Variants in LRRC28 observed in about 807,000 individuals in gnomAD.
The protein encoded by LRRC28 is leucine rich repeat containing 28.
A neutral mutation model predicts 45.7 loss-of-function variants in LRRC28; 39 were observed. That is an observed-to-expected ratio of 0.85 (90% CI 0.66 to 1.12). The LOEUF is 1.12. Among genes scored for constraint, LRRC28 ranks in the 50% most tolerant of loss-of-function variants. The probability of loss-of-function intolerance (pLI) is 0.00; values close to 1 mark genes in which losing one functional copy is unlikely to be tolerated. For missense variants in LRRC28, 435 were observed against 438.5 expected (o/e 0.99, Z 0.07); for synonymous variants, 206 against 178.8 (o/e 1.15, Z -1.22).
At chr15:99,361,232 A>C (rs1456877090) in intron 7 of LRRC28, 104 bp from the exon 8 acceptor site, 16 of 1,319,372 alleles carry the variant, frequency 1.2e-5, no homozygotes, top group Non-Finnish European at 1.6e-5. Context: ...GCAATTCAGC[A>C]GTGTCATAAA....
chr15:99,310,064 A>G (rs183194574), intron 5 of LRRC28, among the ~76,000 whole-genome samples: 89 of 152,232 alleles, frequency 5.8e-4, no homozygotes, highest in Non-Finnish European at 1.1e-3. Context: ...TCAAAAGTGA[A>G]CTGTTAAGCA....
intron 3 of LRRC28, among the ~76,000 whole-genome samples, chr15:99,279,039 A>T (rs2081703057): frequency 6.6e-6 from 1 of 152,246 alleles, no homozygotes; most frequent in Admixed American, 6.5e-5. Flanking sequence ...CAAGCAAGCC[A>T]AAGAGCAAGA....
intron 2 of LRRC28, among the ~76,000 whole-genome samples, chr15:99,272,785 C>T (rs948379914): frequency 1.3e-5 from 2 of 152,096 alleles, no homozygotes; most frequent in Non-Finnish European, 2.9e-5. Flanking sequence ...TATCTGAGTA[C>T]ATGTTATGTT....
intron 5 of LRRC28, among the ~76,000 whole-genome samples, chr15:99,296,565 C>T (rs1040889462): frequency 3.3e-5 from 5 of 152,196 alleles, no homozygotes; most frequent in Admixed American, 3.3e-4. Context: ...AAAAATTAAT[C>T]TCTGGCAGAG....
chr15:99,285,180 A>C, intron 3 of LRRC28: 1 of 727,048 alleles, frequency 1.4e-6, no homozygotes, highest in Non-Finnish European at 2.5e-6. Context: ...TCATGATTTC[A>C]ATCACTTCAA....
chr15:99,295,336 C>G (rs34569062), intron 5 of LRRC28, among the ~76,000 whole-genome samples: 15,087 of 152,232 alleles, frequency 0.099, 1,034 homozygotes, highest in East Asian at 0.33. Flanking sequence ...CATATTTAAA[C>G]TAATTTTCTC....
chr15:99,274,581 A>G (rs1336278696), intron 2 of LRRC28, among the ~76,000 whole-genome samples: 1 of 152,184 alleles, frequency 6.6e-6, no homozygotes, highest in Non-Finnish European at 1.5e-5. Flanking sequence ...CTTAAAATTC[A>G]ATTTTAATTT....
Position 99,361,357 on chromosome 15 carries a change from T to G in LRRC28, c.717T>G (p.Val239=). ...GCAGCTGTGGTGCTCCCATTCAAGT[T>G]TCCGAGGTGAAGCTGCTTTCCTTTT... The part of the protein sequence containing the change: ...GCSGCGAPIQ[V]SEVKLLSFSS... The change falls in exon 8 of 10, where the codon GTT becomes GTG. Residue 239 remains valine (V), a synonymous_variant. Coordinates refer to ENST00000301981, the MANE Select transcript of LRRC28 (RefSeq NM_144598.5). 6.2e-7 allele frequency: 1 copy of G among 1,613,300 alleles called. No individual in the cohort carries two copies. The highest frequency in any genetic ancestry group is 8.5e-7 in the Non-Finnish European group (1 of 1,179,730).
chr15:99,373,460 C>T (rs1457128394), intron 9 of LRRC28, among the ~76,000 whole-genome samples: 1 of 152,110 alleles, frequency 6.6e-6, no homozygotes, highest in African/African-American at 2.4e-5. Flanking sequence ...TTGATACAGG[C>T]ATGCAATGCA....
intron 5 of LRRC28, among the ~76,000 whole-genome samples, chr15:99,289,797 G>A (rs1346567269): frequency 6.6e-6 from 1 of 150,382 alleles, no homozygotes; most frequent in Non-Finnish European, 1.5e-5. Context: ...GCCGGGCGCG[G>A]TGGCGGGCGC....
chr15:99,257,380 C>T (rs1258135640), intron 2 of LRRC28, among the ~76,000 whole-genome samples: 1 of 152,126 alleles, frequency 6.6e-6, no homozygotes, highest in Non-Finnish European at 1.5e-5. Flanking sequence ...AATATTTTGA[C>T]AAGGATTATA....
intron 2 of LRRC28, among the ~76,000 whole-genome samples, chr15:99,275,483 A>C (rs2081593058): frequency 6.6e-6 from 1 of 152,250 alleles, no homozygotes; most frequent in East Asian, 1.9e-4. Flanking sequence ...GGGGCCCTGC[A>C]GATTTCCCTT....
chr15:99,389,125 T>TAA lies in LRRC28; in HGVS notation c.*3023_*3024insAA. The TAA allele has an allele frequency of 6.6e-6, 1 of 152,336 alleles. No individual in the cohort carries two copies. Among genetic ancestry groups the TAA allele is most frequent in the Non-Finnish European group, 1.5e-5 (1 of 68,036 alleles). 9.4% of individuals were successfully genotyped at this position (152,336 alleles called of 1,614,324 possible). ...GGCTAACGGATAAGAGTGATGAACTTCTTTGTTACCTGACCCTTCTCTTCT... is the reference window on the plus strand; with the variant it reads ...GGCTAACGGATAAGAGTGATGAACTTAACTTTGTTACCTGACCCTTCTCTTCT... On this transcript the variant is annotated 3_prime_UTR_variant, in exon 10 of 10. Transcript: ENST00000301981.
Position 99,363,183 on chromosome 15 carries a change from C to A in LRRC28, c.949C>A (p.Arg317=). 6.2e-7 allele frequency: 1 copy of A among 1,614,020 alleles called. No individual in the cohort carries two copies. The highest frequency in any genetic ancestry group is 1.3e-5 in the African/African-American group (1 of 75,022). The change falls in exon 9 of 10, where the codon CGG becomes AGG. Residue 317 remains arginine (R), a synonymous_variant. Transcript: ENST00000301981. ...GCACTGCCCTCTGGGGCACTGTCAT[C>A]GGTGTAGTGAGCCTATGTTTACCAT... The part of the protein sequence containing the change: ...LLHCPLGHCH[R]CSEPMFTIVY...
intron 3 of LRRC28, among the ~76,000 whole-genome samples, chr15:99,279,172 G>T (rs868735901): frequency 1.3e-5 from 2 of 152,206 alleles, no homozygotes; most frequent in African/African-American, 4.8e-5. Context: ...TTTGTATCTG[G>T]CTGCATTAAC....
chr15:99,303,550 C>T (rs1040896850), intron 5 of LRRC28, among the ~76,000 whole-genome samples: 7 of 152,032 alleles, frequency 4.6e-5, no homozygotes, highest in East Asian at 1.9e-4. Context: ...AATATAAAAA[C>T]GGCCTGGGCA....
intron 5 of LRRC28, among the ~76,000 whole-genome samples, chr15:99,305,152 A>G (rs1434427761): frequency 6.6e-6 from 1 of 152,312 alleles, no homozygotes; most frequent in South Asian, 2.1e-4. Flanking sequence ...ATAAATACGT[A>G]TATATAAAAG....
intron 9 of LRRC28, among the ~76,000 whole-genome samples, chr15:99,374,620 A>G (rs1042579725): frequency 6.6e-6 from 1 of 150,422 alleles, no homozygotes; most frequent in African/African-American, 2.4e-5. Flanking sequence ...AGTGGTTAGG[A>G]CTTTGAGTAC....
In LRRC28 at chr15:99,251,514, C is replaced by T. The variant is rs12912422; in HGVS notation, c.-88C>T. ...CTTGGCTTCCAGCGCCGCTTGCGCT[C>T]CGGAGCGCTGGCTCTGCTGGCGCTG... On this transcript the variant is annotated 5_prime_UTR_variant, in exon 1 of 10. Coordinates refer to ENST00000301981, the MANE Select transcript of LRRC28 (RefSeq NM_144598.5). The T allele has an allele frequency of 1.9e-4, 29 of 152,310 alleles. No homozygotes were observed. Among genetic ancestry groups the T allele is most frequent in the South Asian group, 2.0e-4 (1 of 4,940 alleles). 9.4% of individuals were successfully genotyped at this position (152,310 alleles called of 1,614,324 possible).
Sources: gnomAD v4.1 joint callset for allele counts (sites outside exome capture counted in the v4.1 genomes callset) on GRCh38, gnomAD v4.1.1 for gene constraint, MANE v1.5 for transcripts, NCBI Gene and HGNC (gene_info 2026-07-23, HGNC 2026-07-21) for gene names.